The following ZNF185 variants were observed in gnomAD, a reference collection of about 807,000 sequenced individuals.
ZNF185 encodes zinc finger protein 185.
A neutral mutation model predicts 58.6 loss-of-function variants in ZNF185; 56 were observed. The ratio of observed to expected loss-of-function variants is 0.95; its 90% CI spans 0.77 to 1.19. ZNF185 has a LOEUF of 1.19. Among genes scored for constraint, ZNF185 ranks in the 50% most tolerant of loss-of-function variants. ZNF185 has a pLI of 0.00. For synonymous variants in ZNF185, 230 were observed against 215.9 expected (o/e 1.07, Z -0.57); for missense variants, 627 against 573.5 (o/e 1.09, Z -0.95).
At chrX:152,949,759 G>T (rs2048122304) in intron 16 of ZNF185, among the ~76,000 whole-genome samples, 1 of 111,484 alleles carries the variant, frequency 9.0e-6, no homozygotes, top group Non-Finnish European at 1.9e-5. Context: ...GAACTTCGAG[G>T]GAGAGTAGAT....
chrX:152,970,504 C>G, exon 22 of ZNF185: 1 of 1,210,771 alleles, frequency 8.3e-7, no homozygotes, highest in Non-Finnish European at 1.1e-6. Context: ...CACCGTGACA[C>G]CATTCACTGT....
intron 16 of ZNF185, among the ~76,000 whole-genome samples, chrX:152,956,837 G>A (rs2048886207): frequency 8.9e-6 from 1 of 112,421 alleles, no homozygotes; most frequent in African/African-American, 3.2e-5. Flanking sequence ...CATTATCGAT[G>A]TCAAACCCAA....
chrX:152,907,162 T>C, the ZNF185 span, among the ~76,000 whole-genome samples: 14 of 111,481 alleles, frequency 1.3e-4, no homozygotes, highest in African/African-American at 4.6e-4. Flanking sequence ...CTCCTGCCGC[T>C]CCCGTCTGTG....
At chrX:152,959,954 C>A in intron 17 of ZNF185, 58 bp downstream of exon 19, 4 of 1,099,685 alleles carry the variant, frequency 3.6e-6, no homozygotes, top group Admixed American at 2.5e-5. Flanking sequence ...TTGTCCAGGG[C>A]AGCAACCCAG....
In ZNF185 at chrX:152,967,248, C is replaced by CT. The variant is rs1387511189; in HGVS notation, c.1871+13dup. 8.3e-7 allele frequency: 1 copy of CT among 1,204,304 alleles called. No homozygotes were observed. The highest frequency in any genetic ancestry group is 1.1e-6 in the Non-Finnish European group (1 of 890,150). On this transcript the variant is annotated intron_variant, in intron 20 of 22. Transcript: ENST00000449285. ...CTCCATACTCTGAGAGGTATGTTGA[C>CT]TTTCTTAGCACGGAGCTTGCACTTC...
chrX:152,938,302 C>T (rs782181991), intron 15 of ZNF185, 139 bp downstream of exon 17: 6 of 548,495 alleles, frequency 1.1e-5, no homozygotes, highest in Non-Finnish European at 1.7e-5. Context: ...GGGCAGAAGC[C>T]CCAACCAGAA....
intron 12 of ZNF185, 32 bp from the exon 14 acceptor site, chrX:152,931,640 G>A: frequency 1.7e-6 from 2 of 1,155,098 alleles, no homozygotes; most frequent in Non-Finnish European, 2.3e-6. Context: ...AATGGCTGCT[G>A]CATGGTTAAC....
intron 16 of ZNF185, among the ~76,000 whole-genome samples, chrX:152,956,755 A>G (rs978664016): frequency 2.8e-5 from 3 of 106,185 alleles, no homozygotes; most frequent in African/African-American, 8.0e-5. Context: ...AAAACAAAAC[A>G]GTATTTTTAT....
the ZNF185 span, among the ~76,000 whole-genome samples, chrX:152,899,171 C>T: frequency 8.9e-6 from 1 of 112,260 alleles, no homozygotes; most frequent in Non-Finnish European, 1.9e-5. Flanking sequence ...GGGCCTCTCA[C>T]ACCCCATCCA....
chrX:152,969,379 C>T lies in ZNF185; in HGVS notation c.1872-3C>T. 8.3e-7 allele frequency: 1 copy of T among 1,200,960 alleles called. No homozygotes were observed. Among genetic ancestry groups the T allele is most frequent in the Non-Finnish European group, 1.1e-6 (1 of 888,668 alleles). On this transcript the variant is annotated splice_region_variant and splice_polypyrimidine_tract_variant and intron_variant, in intron 20 of 22. Transcript: ENST00000449285. ...CACCGGGTTATTGTTCTTCATCTCA[C>T]AGGACAACTGGAGGGATCTGTACTT...
At chrX:152,917,352 A>G (rs781900117) in exon 5 of ZNF185, 1 of 1,211,204 alleles carries the variant, frequency 8.3e-7, no homozygotes, top group Non-Finnish European at 1.1e-6. Context: ...GGCCAACGGG[A>G]CTCCAAAAAG....
At position 152,967,373 on chromosome X, in the gene ZNF185, C is replaced by T. The variant is rs1556915619; in HGVS notation, c.1871+135C>T. The T allele has an allele frequency of 8.5e-6, 5 of 590,632 alleles. No homozygotes were observed. The Admixed American group carries it at 1.2e-4, about 14-fold the overall frequency. The allele number at this position is 590,632 out of a possible 1,213,427, so 48.7% of individuals were successfully genotyped here. ...TCCATTTGCAGAAAGGTGAAGGACA[C>T]TACCGTAGGGTGGTGCTTCCCTTGT... On this transcript the variant is annotated intron_variant, in intron 20 of 22. Coordinates refer to ENST00000449285, the Ensembl canonical transcript of ZNF185.
At chrX:152,940,932 T>A (rs1435329106) in intron 15 of ZNF185, among the ~76,000 whole-genome samples, 1 of 112,111 alleles carries the variant, frequency 8.9e-6, no homozygotes, top group East Asian at 2.8e-4. Flanking sequence ...TGGGCATGAA[T>A]TCCAAAGGGA....
At chrX:152,920,115 G>GCACATGC (rs1939394902) in intron 7 of ZNF185, among the ~76,000 whole-genome samples, 1 of 113,356 alleles carries the variant, frequency 8.8e-6, no homozygotes, top group South Asian at 3.6e-4. Flanking sequence ...GCAGAGCCGG[G>GCACATGC]CACATGCCAC....
At chrX:152,933,204 G>T (rs782201821) in intron 14 of ZNF185, among the ~76,000 whole-genome samples, 28 of 112,905 alleles carry the variant, frequency 2.5e-4, no homozygotes, top group Non-Finnish European at 5.2e-4. Context: ...CTCCTCCAGA[G>T]TAGGCACTAG....
chrX:152,965,803 C>A (rs1358236478), intron 19 of ZNF185, among the ~76,000 whole-genome samples: 2 of 108,915 alleles, frequency 1.8e-5, no homozygotes, highest in Admixed American at 9.9e-5. Flanking sequence ...TTGTAAAATG[C>A]TGAGAACACC....
At chrX:152,941,958 G>T (rs2047256447) in intron 15 of ZNF185, 1 of 926,671 alleles carries the variant, frequency 1.1e-6, no homozygotes, top group Non-Finnish European at 1.4e-6. Flanking sequence ...TTCGCAGGGA[G>T]CCCTGGGGCC....
rs782232281 is a variant in ZNF185 at position 152,926,123 on chromosome X, C to T, written c.831-2452C>T. Among the ~76,000 whole-genome samples the T allele has an allele frequency of 1.1e-4, 12 of 112,629 alleles. No individual in the cohort carries two copies. The South Asian group carries it at 2.9e-3, about 27-fold the overall frequency. ...CTGCCCAGCATGCTGCCTGGCAGAG[C>T]GTCTGGGGAGCAGGGAGTAGGAGCA... is the stretch of plus-strand genomic sequence containing the variant. On this transcript the variant is annotated intron_variant, in intron 11 of 22. Transcript: ENST00000449285.
intron 19 of ZNF185, 139 bp from the exon 22 acceptor site, chrX:152,967,028 C>T (rs782561700): frequency 2.0e-5 from 11 of 543,913 alleles, no homozygotes; most frequent in Non-Finnish European, 2.7e-5. Flanking sequence ...ATAGAAGGGC[C>T]CTGTGGCACC....
Sources: gnomAD v4.1 joint callset for allele counts (sites outside exome capture counted in the v4.1 genomes callset) on GRCh38, gnomAD v4.1.1 for gene constraint, MANE v1.5 for transcripts, NCBI Gene and HGNC (gene_info 2026-07-23, HGNC 2026-07-21) for gene names.